ZNF257: variants seen among roughly 807,000 people sequenced by gnomAD.
The protein encoded by ZNF257 is bone marrow zinc finger 4.
Under a neutral mutation model 11.9 loss-of-function variants are expected in ZNF257, and 12 were observed. The observed-to-expected ratio is 1.01, with a 90% CI of 0.65 to 1.63. The LOEUF is 1.63. ZNF257 is among the 40% of genes most tolerant of loss of function. ZNF257 has a pLI of 0.00. For synonymous variants in ZNF257, 183 were observed against 222.7 expected (o/e 0.82, Z 1.59); for missense variants, 580 against 665.5 (o/e 0.87, Z 1.41).
chr19:22,084,001 A>G (rs897158404), intron 3 of ZNF257, among the ~76,000 whole-genome samples: 2 of 152,164 alleles, frequency 1.3e-5, no homozygotes, highest in Non-Finnish European at 2.9e-5. Flanking sequence ...TTAGCTGGGT[A>G]TGGTGGCAGG....
chr19:22,061,742 G>A (rs2021800299), intron 1 of ZNF257, among the ~76,000 whole-genome samples: 1 of 151,724 alleles, frequency 6.6e-6, no homozygotes, highest in South Asian at 2.1e-4. Flanking sequence ...TCCAGCTTGT[G>A]TCCATTCCAT....
At chr19:22,053,366 CAA>C (rs61426953) in intron 1 of ZNF257, among the ~76,000 whole-genome samples, 6 of 76,484 alleles carry the variant, frequency 7.8e-5, no homozygotes, top group East Asian at 5.3e-4. Flanking sequence ...GACTCCGTCT[CAA>C]AAAAAAAAAA....
intron 1 of ZNF257, among the ~76,000 whole-genome samples, chr19:22,057,996 A>T (rs1212520390): frequency 1.3e-5 from 2 of 152,150 alleles, no homozygotes; most frequent in East Asian, 3.9e-4. Context: ...TCCTGACCTC[A>T]GGTGATCCAC....
At chr19:22,075,193 A>T (rs2022198820) in intron 3 of ZNF257, among the ~76,000 whole-genome samples, 2 of 152,136 alleles carry the variant, frequency 1.3e-5, no homozygotes, top group South Asian at 4.1e-4. Context: ...TGTAATTCCC[A>T]TATTATTTTT....
At chr19:22,083,121 T>G (rs1005069311) in intron 3 of ZNF257, among the ~76,000 whole-genome samples, 2 of 152,160 alleles carry the variant, frequency 1.3e-5, no homozygotes, top group African/African-American at 4.8e-5. Context: ...TCCGGTTTAT[T>G]CATGAATCTA....
rs966897296 is a variant in ZNF257, at chr19:22,090,531, GT to G, written c.*1092del. ...CAAAGAAATATTTAATTCAAATTGAGTTTATATAATTATCAGAGAATTAACA... is the reference window on the plus strand; with the variant it reads ...CAAAGAAATATTTAATTCAAATTGAGTTATATAATTATCAGAGAATTAACA... On this transcript the variant is annotated 3_prime_UTR_variant, in exon 4 of 4. Transcript: ENST00000594947. The G allele has an allele frequency of 3.3e-5, 5 of 152,090 alleles. No homozygotes were observed. The highest frequency in any genetic ancestry group is 1.2e-4 in the African/African-American group (5 of 41,410). The allele number at this position is 152,090 out of a possible 1,614,324, so 9.4% of individuals were successfully genotyped here.
intron 1 of ZNF257, among the ~76,000 whole-genome samples, chr19:22,071,890 G>A (rs28881618): frequency 0.66 from 99,792 of 151,958 alleles, 33,685 homozygotes; most frequent in South Asian, 0.83. Context: ...CAGGATTAAG[G>A]AAGTGTTTAT....
intron 1 of ZNF257, among the ~76,000 whole-genome samples, chr19:22,065,415 G>A (rs958556275): frequency 3.9e-5 from 6 of 152,018 alleles, no homozygotes. Flanking sequence ...GGTCAGGCTG[G>A]TCTCGAACTC....
Position 22,078,233 on chromosome 19 carries a change from A to G in ZNF257, c.226+4669A>G, listed in dbSNP as rs1000468081. Among the ~76,000 whole-genome samples, 37 of 115,486 alleles carry G rather than the reference A, an allele frequency of 3.2e-4. 1 individual carries two copies. Among genetic ancestry groups the G allele is most frequent in the African/African-American group, 1.3e-3 (36 of 27,958 alleles). The allele number at this position is 115,486 out of a possible 152,430, so 75.8% of individuals were successfully genotyped here. A position where few individuals can be genotyped will look rare whatever the true frequency, so the allele number is the denominator to read the frequency against. On this transcript the variant is annotated intron_variant, in intron 3 of 3. Coordinates refer to ENST00000594947, the MANE Select transcript of ZNF257 (RefSeq NM_033468.4). ...AGCCTGGGCAACAGAGGGAGACTCCAACTAAAAAAAAAAAAAAAAAAAAAA... is the reference window on the plus strand; with the variant it reads ...AGCCTGGGCAACAGAGGGAGACTCCGACTAAAAAAAAAAAAAAAAAAAAAA...
chr19:22,077,626 T>C lies in ZNF257; in HGVS notation c.226+4062T>C, dbSNP rs144960409. Among the ~76,000 whole-genome samples, 385 of 152,252 alleles carry C rather than the reference T, an allele frequency of 2.5e-3. 3 individuals are homozygous for C. Among genetic ancestry groups the C allele is most frequent in the African/African-American group, 9.0e-3 (372 of 41,512 alleles). On this transcript the variant is annotated intron_variant, in intron 3 of 3. Transcript: ENST00000594947. ...AAGATTTTATGAGGCTGAATAATAT[T>C]TCATTGTATTTAGGTATTACATTTT...
chr19:22,083,733 T>G (rs1002004433), intron 3 of ZNF257, among the ~76,000 whole-genome samples: 2 of 152,196 alleles, frequency 1.3e-5, no homozygotes, highest in African/African-American at 2.4e-5. Context: ...GTGGTGTAAC[T>G]TCTTTATATA....
chr19:22,065,196 T>G (rs1446691764), intron 1 of ZNF257, among the ~76,000 whole-genome samples: 3 of 152,072 alleles, frequency 2.0e-5, no homozygotes, highest in African/African-American at 7.2e-5. Flanking sequence ...TAACAGACTT[T>G]TTTTGTTTTG....
chr19:22,059,726 T>C (rs1042225702), intron 1 of ZNF257, among the ~76,000 whole-genome samples: 6 of 151,906 alleles, frequency 3.9e-5, no homozygotes, highest in East Asian at 1.9e-4. Context: ...TTTTATTTTA[T>C]TTTATTTATA....
At position 22,088,338 on chromosome 19, in the gene ZNF257, T is replaced by C. The variant is rs1568491146; in HGVS notation, c.588T>C (p.Ile196=). 1 of 1,613,690 alleles carries C rather than the reference T, an allele frequency of 6.2e-7. No individual in the cohort carries two copies. The highest frequency in any genetic ancestry group is 8.5e-7 in the Non-Finnish European group (1 of 1,179,800). Reference sequence around the variant, plus strand: ...TAACTCGACATAAGAGAATTCATATTAGAGAGAATTCCCACAAATGTGAAG... The same window carrying C: ...TAACTCGACATAAGAGAATTCATATCAGAGAGAATTCCCACAAATGTGAAG... ...SQLTRHKRIH[I]RENSHKCEEC... is the part of the protein sequence containing the mutation. The change falls in exon 4 of 4, where the codon ATT becomes ATC. Residue 196 remains isoleucine, a synonymous_variant. Coordinates refer to ENST00000594947, the MANE Select transcript of ZNF257 (RefSeq NM_033468.4).
intron 3 of ZNF257, among the ~76,000 whole-genome samples, chr19:22,080,979 A>C (rs1226869675): frequency 6.6e-6 from 1 of 151,466 alleles, no homozygotes; most frequent in African/African-American, 2.4e-5. Flanking sequence ...CCAGGTTCAA[A>C]CAATTCTTCC....
At position 22,090,766 on chromosome 19, in the gene ZNF257, A is replaced by G. The variant is rs1230503519; in HGVS notation, c.*1324A>G. On this transcript the variant is annotated 3_prime_UTR_variant, in exon 4 of 4. Coordinates refer to ENST00000594947, the MANE Select transcript of ZNF257 (RefSeq NM_033468.4). The stretch of plus-strand genomic sequence containing the variant: ...TAAAAGTAAATAATGATGTAAGTCA[A>G]CTCTCAAATTACTTCATGCTGTTTC... 6.6e-6 allele frequency: 1 copy of G among 152,088 alleles called. No individual in the cohort carries two copies. Among genetic ancestry groups the G allele is most frequent in the Non-Finnish European group, 1.5e-5 (1 of 68,016 alleles). The allele number at this position is 152,088 out of a possible 1,614,324, so 9.4% of individuals were successfully genotyped here.
In ZNF257 at chr19:22,090,172, T is replaced by C. The variant is rs2022594271; in HGVS notation, c.*730T>C. 1 of 152,154 alleles carries C rather than the reference T, an allele frequency of 6.6e-6. No individual in the cohort carries two copies. Among genetic ancestry groups the C allele is most frequent in the South Asian group, 2.1e-4 (1 of 4,832 alleles). The allele number at this position is 152,154 out of a possible 1,614,324, so 9.4% of individuals were successfully genotyped here. A position where few individuals can be genotyped will look rare whatever the true frequency, so the allele number is the denominator to read the frequency against. On this transcript the variant is annotated 3_prime_UTR_variant, in exon 4 of 4. Transcript: ENST00000594947. Reference sequence around the variant, plus strand: ...CACATATTACACATCAGAGAGTTCATACTTAATAAAAGTATTATAAATACA... The same window carrying C: ...CACATATTACACATCAGAGAGTTCACACTTAATAAAAGTATTATAAATACA...
Position 22,091,459 on chromosome 19 carries a change from T to TAAA in ZNF257, c.*2017_*2018insAAA, listed in dbSNP as rs1568493897. The stretch of plus-strand genomic sequence containing the variant: ...TAGGCAACAAGAGCAAGACTTCGTC[T>TAAA]CAAAAAAAAAAAAAAAAAAAAGACT... On this transcript the variant is annotated 3_prime_UTR_variant, in exon 4 of 4. Coordinates refer to ENST00000594947, the MANE Select transcript of ZNF257 (RefSeq NM_033468.4). The TAAA allele has an allele frequency of 3.0e-5, 1 of 32,880 alleles. No individual in the cohort carries two copies. Among genetic ancestry groups the TAAA allele is most frequent in the Non-Finnish European group, 5.6e-5 (1 of 17,804 alleles). 2.0% of individuals were successfully genotyped at this position (32,880 alleles called of 1,614,324 possible).
intron 1 of ZNF257, among the ~76,000 whole-genome samples, chr19:22,059,415 A>G (rs1347690587): frequency 1.3e-5 from 2 of 151,734 alleles, no homozygotes; most frequent in Non-Finnish European, 2.9e-5. Context: ...TTATTTTTTG[A>G]GACTCTGGGA....
Sources: gnomAD v4.1 joint callset for allele counts (sites outside exome capture counted in the v4.1 genomes callset) on GRCh38, gnomAD v4.1.1 for gene constraint, MANE v1.5 for transcripts, NCBI Gene and HGNC (gene_info 2026-07-23, HGNC 2026-07-21) for gene names.